The following TPD52L1 variants were observed in gnomAD, a reference collection of about 807,000 sequenced individuals.
TPD52L1 encodes the protein tumor protein D53.
In TPD52L1, 18 loss-of-function variants were observed where a neutral mutation model predicts 28.7. The observed-to-expected ratio is 0.63, with a 90% CI of 0.43 to 0.93. The LOEUF is 0.93. Among genes scored for constraint, TPD52L1 ranks in the 40% least tolerant of loss-of-function variants. The pLI is 0.00. For synonymous variants in TPD52L1, 75 were observed against 88.8 expected, an observed-to-expected ratio of 0.84 and a Z score of 0.88; for missense variants, 203 against 254.8, an observed-to-expected ratio of 0.80 and a Z score of 1.39.
At chr6:125,175,965 C>G (rs74605790) in intron 1 of TPD52L1, among the ~76,000 whole-genome samples, 1 of 149,794 alleles carries the variant, frequency 6.7e-6, no homozygotes, top group Non-Finnish European at 1.5e-5. Context: ...TGTTCTTCTG[C>G]TGTCTTGATT....
intron 1 of TPD52L1, among the ~76,000 whole-genome samples, chr6:125,189,064 G>T (rs1792858416): frequency 1.3e-5 from 2 of 152,210 alleles, no homozygotes; most frequent in South Asian, 4.1e-4. Flanking sequence ...AGTTGGGACT[G>T]TCATGAGAAG....
At chr6:125,211,144 T>C (rs1056382318) in intron 1 of TPD52L1, among the ~76,000 whole-genome samples, 3 of 152,244 alleles carry the variant, frequency 2.0e-5, no homozygotes, top group Non-Finnish European at 2.9e-5. Flanking sequence ...AGGGGACCAA[T>C]TGGGAACCTT....
intron 1 of TPD52L1, among the ~76,000 whole-genome samples, chr6:125,172,099 C>CCCTTT (rs1791360826): frequency 2.6e-5 from 2 of 76,204 alleles, no homozygotes; most frequent in African/African-American, 5.1e-5. Flanking sequence ...TCTTTCTTTC[C>CCCTTT]CTTTCTTTCT....
chr6:125,234,706 A>G (rs959715034), intron 3 of TPD52L1, among the ~76,000 whole-genome samples: 1 of 152,154 alleles, frequency 6.6e-6, no homozygotes, highest in Non-Finnish European at 1.5e-5. Flanking sequence ...TCATTATTTG[A>G]ATATTATTGC....
chr6:125,172,157 T>TTTCTTTCTTTTCTTTCTTTC (rs1554202455), intron 1 of TPD52L1, among the ~76,000 whole-genome samples: 2 of 54,004 alleles, frequency 3.7e-5, no homozygotes, highest in Non-Finnish European at 3.4e-5. Flanking sequence ...TCTTTCTTTC[T>TTTCTTTCTTTTCTTTCTTTC]TTTCTTTCTT....
intron 1 of TPD52L1, among the ~76,000 whole-genome samples, chr6:125,190,861 T>C (rs1185056659): frequency 6.6e-6 from 1 of 152,182 alleles, no homozygotes; most frequent in Non-Finnish European, 1.5e-5. Flanking sequence ...AGATGAAGCC[T>C]TGCTGGCTTG....
chr6:125,262,092 C>T (rs1261205504), intron 6 of TPD52L1: 1 of 152,216 alleles, frequency 6.6e-6, no homozygotes, highest in Non-Finnish European at 1.5e-5. Context: ...CTTGTAGAAG[C>T]ATCAGATCTT....
chr6:125,231,574 G>A (rs748859164), intron 3 of TPD52L1, among the ~76,000 whole-genome samples: 5 of 152,166 alleles, frequency 3.3e-5, no homozygotes, highest in Non-Finnish European at 7.3e-5. Flanking sequence ...GGGTTATGGA[G>A]TTTAGAGTCT....
At chr6:125,205,969 A>G (rs1236209535) in intron 1 of TPD52L1, among the ~76,000 whole-genome samples, 1 of 152,228 alleles carries the variant, frequency 6.6e-6, no homozygotes, top group Non-Finnish European at 1.5e-5. Context: ...GCATCTAACT[A>G]TTTGGATTGT....
chr6:125,211,967 A>G (rs1320648935), intron 1 of TPD52L1, among the ~76,000 whole-genome samples: 2 of 152,230 alleles, frequency 1.3e-5, no homozygotes, highest in Non-Finnish European at 2.9e-5. Context: ...CTTGTTTTAT[A>G]TCTTTAATTT....
chr6:125,187,925 G>A (rs1202431739), intron 1 of TPD52L1, among the ~76,000 whole-genome samples: 1 of 145,462 alleles, frequency 6.9e-6, no homozygotes, highest in Non-Finnish European at 1.5e-5. Context: ...AAACTAAACT[G>A]AGATTTTTTT....
At chr6:125,262,665 A>G in intron 6 of TPD52L1, 169 bp from the exon 7 acceptor site, 1 of 875,022 alleles carries the variant, frequency 1.1e-6, no homozygotes, top group Non-Finnish European at 1.7e-6. Flanking sequence ...AAGTATGAAT[A>G]ATATTCTAGC....
At chr6:125,248,411 G>A in intron 4 of TPD52L1, 28 bp downstream of exon 4, 1 of 1,577,794 alleles carries the variant, frequency 6.3e-7, no homozygotes, top group African/African-American at 1.3e-5. Flanking sequence ...CATGGGAACG[G>A]CGCTAAGCCC....
chr6:125,210,610 C>A (rs1469512832), intron 1 of TPD52L1, among the ~76,000 whole-genome samples: 1 of 152,148 alleles, frequency 6.6e-6, no homozygotes, highest in African/African-American at 2.4e-5. Flanking sequence ...ATGCGGGTGG[C>A]ACCACAGTGA....
At chr6:125,172,552 A>ATAT (rs71024714) in intron 1 of TPD52L1, among the ~76,000 whole-genome samples, 3 of 72,370 alleles carry the variant, frequency 4.1e-5, no homozygotes, top group African/African-American at 1.8e-4. Context: ...ATATATATAT[A>ATAT]ATATATATAC....
chr6:125,225,489 A>G (rs945085661), intron 2 of TPD52L1, among the ~76,000 whole-genome samples: 2 of 152,178 alleles, frequency 1.3e-5, no homozygotes, highest in African/African-American at 4.8e-5. Context: ...AAAGGTTCCA[A>G]CGCCTCCACA....
At position 125,248,333 on chromosome 6, in the gene TPD52L1, A is replaced by G; in HGVS notation, c.336A>G (p.Ala112=). ...GTCACGCAGGGCAAAAGGCAACTGC[A>G]GCTTTCAGCAACGTTGGAACGGCCA... ...TLSHAGQKAT[A]AFSNVGTAIS... The change falls in exon 4 of 7, where the codon GCA becomes GCG. Residue 112 remains alanine, a synonymous_variant. Coordinates refer to ENST00000534000, the MANE Select transcript of TPD52L1 (RefSeq NM_003287.4). 6.2e-7 allele frequency: 1 copy of G among 1,614,212 alleles called. No individual in the cohort carries two copies. Among genetic ancestry groups the G allele is most frequent in the Non-Finnish European group, 8.5e-7 (1 of 1,180,018 alleles).
At chr6:125,229,087 T>A (rs759332042) in intron 2 of TPD52L1, 31 bp from the exon 3 acceptor site, 1 of 1,602,562 alleles carries the variant, frequency 6.2e-7, no homozygotes, top group Non-Finnish European at 8.5e-7. Context: ...GGTCTGACAT[T>A]TTCCCCCACC....
chr6:125,241,796 TA>T (rs1796627351), intron 3 of TPD52L1, among the ~76,000 whole-genome samples: 1 of 151,976 alleles, frequency 6.6e-6, no homozygotes, highest in African/African-American at 2.4e-5. Flanking sequence ...TTAACTTTTA[TA>T]TCTTTTTTTT....
Sources: gnomAD v4.1 joint callset for allele counts (sites outside exome capture counted in the v4.1 genomes callset) on GRCh38, gnomAD v4.1.1 for gene constraint, MANE v1.5 for transcripts, NCBI Gene and HGNC (gene_info 2026-07-23, HGNC 2026-07-21) for gene names.